ADCY7: variants seen among roughly 807,000 people sequenced by gnomAD.
ADCY7 encodes adenylate cyclase type 7.
Under a neutral mutation model 120.6 loss-of-function variants are expected in ADCY7, and 72 were observed. The observed-to-expected ratio is 0.60, with a 90% CI of 0.49 to 0.73. The LOEUF (loss-of-function observed/expected upper bound fraction) is 0.73, where lower values mean the gene tolerates loss of function less well. Ranked by LOEUF, ADCY7 falls within the 30% of genes least tolerant of loss-of-function variation. The probability of loss-of-function intolerance (pLI) is 0.00; values close to 1 mark genes in which losing one functional copy is unlikely to be tolerated. For synonymous variants in ADCY7, 661 were observed against 628.0 expected, an observed-to-expected ratio of 1.05 and a Z score of -0.78; for missense variants, 1,227 against 1,486.0, an observed-to-expected ratio of 0.83 and a Z score of 2.87.
At position 50,296,450 on chromosome 16, in the gene ADCY7, C is replaced by G. The variant is rs933699869; in HGVS notation, c.948+1699C>G. On this transcript the variant is annotated intron_variant, in intron 7 of 25. Transcript: ENST00000673801. ...TCTCTGCTCACTGCAAGCTCCGCCT[C>G]CCGGGTTCACACCATTCTGCCTCAC... Among the ~76,000 whole-genome samples the G allele has an allele frequency of 5.9e-5, 9 of 151,744 alleles. 1 individual carries two copies. The highest frequency in any genetic ancestry group is 1.2e-4 in the Non-Finnish European group (8 of 67,962).
chr16:50,262,260 C>CTT (rs397977712), upstream of ADCY7, among the ~76,000 whole-genome samples: 8 of 142,206 alleles, frequency 5.6e-5, no homozygotes, highest in African/African-American at 1.0e-4. Flanking sequence ...CCTCAGATCT[C>CTT]TTTTTTTTTT....
At position 50,312,750 on chromosome 16, in the gene ADCY7, C is replaced by A. The variant is rs537040245; in HGVS notation, c.2605-140C>A. 9.9e-6 allele frequency: 8 copies of A among 812,090 alleles called. No individual in the cohort carries two copies. The East Asian group carries it at 1.9e-4, about 19-fold the overall frequency. 50.3% of individuals were successfully genotyped at this position (812,090 alleles called of 1,614,324 possible). A position where few individuals can be genotyped will look rare whatever the true frequency, so the allele number is the denominator to read the frequency against. On this transcript the variant is annotated intron_variant, in intron 21 of 25. Coordinates refer to ENST00000673801, the MANE Select transcript of ADCY7 (RefSeq NM_001114.5). ...ACCCGGTAACAGCCACCAGATGAAA[C>A]TCATGCAGCCCGCCCCCCTCCCCAC...
At chr16:50,291,310 G>A (rs1168054354) in intron 3 of ADCY7, among the ~76,000 whole-genome samples, 1 of 145,976 alleles carries the variant, frequency 6.9e-6, no homozygotes, top group Non-Finnish European at 1.5e-5. Context: ...AGGGGTGGAC[G>A]CAGGACCAGC....
intron 1 of ADCY7, among the ~76,000 whole-genome samples, chr16:50,285,765 C>T (rs1031135561): frequency 1.3e-5 from 2 of 152,238 alleles, no homozygotes; most frequent in Admixed American, 1.3e-4. Flanking sequence ...CCCAAGTCCC[C>T]ATTGCTGTGT....
chr16:50,313,985 G>A lies in ADCY7; in HGVS notation c.2779G>A (p.Val927Met), dbSNP rs1327486454. The A allele has an allele frequency of 6.2e-6, 10 of 1,613,994 alleles. No homozygotes were observed. Among genetic ancestry groups the A allele is most frequent in the Admixed American group, 5.0e-5 (3 of 60,008 alleles). The part of the protein sequence containing the change: ...ELLLKPKFSG[V>M]EKIKTIGSTY... ...CCTACTGAAGCCCAAGTTCAGCGGCGTGGAGAAGATCAAGACCATCGGCAG... is the reference window on the plus strand; with the variant it reads ...CCTACTGAAGCCCAAGTTCAGCGGCATGGAGAAGATCAAGACCATCGGCAG... Residue 927 changes from valine to methionine, a missense_variant, in exon 23 of 26, where the codon GTG (valine) becomes ATG (methionine). By Grantham distance (21) the Val-to-Met change is conservative (BLOSUM62 1). This residue lies in a region of ADCY7 where 244 missense variants were observed against 332.8 expected (regional missense o/e 0.73). Coordinates refer to ENST00000673801, the MANE Select transcript of ADCY7 (RefSeq NM_001114.5).
intron 1 of ADCY7, among the ~76,000 whole-genome samples, chr16:50,276,662 C>T (rs2033912789): frequency 6.6e-6 from 1 of 152,192 alleles, no homozygotes; most frequent in African/African-American, 2.4e-5. Flanking sequence ...GTGGCACAAT[C>T]ATCACTTGCT....
At chr16:50,280,839 G>A (rs928369126) in intron 1 of ADCY7, among the ~76,000 whole-genome samples, 1 of 152,204 alleles carries the variant, frequency 6.6e-6, no homozygotes, top group Admixed American at 6.5e-5. Flanking sequence ...CACAGGTCAG[G>A]CAAGAGACTT....
Position 50,290,574 on chromosome 16 carries a change from G to A in ADCY7, c.289G>A (p.Ala97Thr), listed in dbSNP as rs1450572594. The A allele has an allele frequency of 1.2e-6, 2 of 1,614,198 alleles. No individual in the cohort carries two copies. Among genetic ancestry groups the A allele is most frequent in the South Asian group, 2.2e-5 (2 of 91,086 alleles). ...CCTGCGGCGCTGGCTCAGGGCCTTGGCGCTGCTCACCTGGGCCTGCTTGGT... is the reference window on the plus strand; with the variant it reads ...CCTGCGGCGCTGGCTCAGGGCCTTGACGCTGCTCACCTGGGCCTGCTTGGT... Reference protein sequence around the residue: ...CLLRRWLRALALLTWACLVAL... With the variant: ...CLLRRWLRALTLLTWACLVAL... The change falls in exon 3 of 26, where the codon GCG (alanine) becomes ACG (threonine). Residue 97 changes from alanine (A) to threonine (T), a missense_variant. Ala to Thr is a moderately conservative substitution (Grantham distance 58, BLOSUM62 0). This residue lies in a region of ADCY7 where 382 missense variants were observed against 411.4 expected (regional missense o/e 0.93). Coordinates refer to ENST00000673801, the MANE Select transcript of ADCY7 (RefSeq NM_001114.5).
intron 1 of ADCY7, among the ~76,000 whole-genome samples, chr16:50,283,043 G>T: frequency 6.6e-6 from 1 of 152,124 alleles, no homozygotes; most frequent in East Asian, 1.9e-4. Context: ...CTTTCTGGAG[G>T]ACTGGCTGTG....
chr16:50,290,953 AAGGGGTC>A (rs1304291749), intron 3 of ADCY7, among the ~76,000 whole-genome samples: 1 of 152,180 alleles, frequency 6.6e-6, no homozygotes, highest in Non-Finnish European at 1.5e-5. Context: ...AGGAAAGGCC[AAGGGGTC>A]AGTGCTGGGC....
intron 8 of ADCY7, among the ~76,000 whole-genome samples, chr16:50,300,014 CCT>C (rs1199344386): frequency 2.6e-5 from 4 of 152,256 alleles, no homozygotes; most frequent in Non-Finnish European, 5.9e-5. Flanking sequence ...GGTCTGGGCC[CCT>C]GTGTTCCTTG....
intron 24 of ADCY7, 83 bp from the exon 25 acceptor site, chr16:50,314,931 G>C: frequency 6.4e-7 from 1 of 1,566,826 alleles, no homozygotes; most frequent in Non-Finnish European, 8.7e-7. Flanking sequence ...CCTGTGCTGG[G>C]GTATGGATTC....
chr16:50,296,206 C>T (rs1421168346), intron 7 of ADCY7, among the ~76,000 whole-genome samples: 1 of 152,144 alleles, frequency 6.6e-6, no homozygotes, highest in African/African-American at 2.4e-5. Context: ...GTGTGCACCA[C>T]AACCCCAGGC....
intron 1 of ADCY7, among the ~76,000 whole-genome samples, chr16:50,267,717 A>G (rs1458861032): frequency 1.3e-5 from 2 of 149,730 alleles, no homozygotes; most frequent in South Asian, 2.1e-4. Flanking sequence ...TGTCTTGGGG[A>G]AAAAAAAATC....
upstream of ADCY7, among the ~76,000 whole-genome samples, chr16:50,265,717 T>TGAGGA (rs2033186266): frequency 1.3e-5 from 2 of 152,136 alleles, no homozygotes; most frequent in Non-Finnish European, 2.9e-5. Context: ...GGTACACCAT[T>TGAGGA]GCTTTGAGGA....
intron 1 of ADCY7, among the ~76,000 whole-genome samples, chr16:50,276,828 A>C (rs781469067): frequency 1.3e-5 from 2 of 152,150 alleles, no homozygotes; most frequent in Non-Finnish European, 2.9e-5. Flanking sequence ...TTTTGGTCTT[A>C]AGCAGTCCTC....
rs145136158 is a variant in ADCY7 at position 50,314,224 on chromosome 16, C to T, written c.2857-68C>T. The T allele has an allele frequency of 1.1e-3, 1,611 of 1,490,536 alleles. 17 individuals carry two copies. In the African/African-American group the frequency reaches 0.019, roughly 18 times the overall value. The allele number at this position is 1,490,536 out of a possible 1,614,324, so 92.3% of individuals were successfully genotyped here. The stretch of plus-strand genomic sequence containing the variant: ...TGGTGGGGATCCTCAACAAGAGTGG[C>T]GCGCCAGGGCCCACTAGGTCTGGGG... On this transcript the variant is annotated intron_variant, in intron 23 of 25. Coordinates refer to ENST00000673801, the MANE Select transcript of ADCY7 (RefSeq NM_001114.5).
chr16:50,271,524 G>A (rs773816016), intron 1 of ADCY7, among the ~76,000 whole-genome samples: 5 of 152,164 alleles, frequency 3.3e-5, no homozygotes, highest in African/African-American at 9.7e-5. Flanking sequence ...CTGACCTTGG[G>A]CCTGGGAGAA....
chr16:50,282,490 T>TGGA (rs1405765375), intron 1 of ADCY7, among the ~76,000 whole-genome samples: 1 of 152,164 alleles, frequency 6.6e-6, no homozygotes, highest in Non-Finnish European at 1.5e-5. Flanking sequence ...GCAGGCTTCC[T>TGGA]GGAGGAGGAG....
Sources: allele counts gnomAD v4.1 joint callset (sites outside exome capture counted in the v4.1 genomes callset), GRCh38; gene constraint gnomAD v4.1.1; regional missense constraint gnomAD v4.1.1; transcripts MANE v1.5; gene names NCBI Gene and HGNC (gene_info 2026-07-23, HGNC 2026-07-21).